Variants in SP140L observed in about 807,000 individuals in gnomAD.
The protein encoded by SP140L is SP140 like nuclear body protein, also known as nuclear body protein SP140-like protein.
In SP140L, 64 loss-of-function variants were observed where a neutral mutation model predicts 84.3. The ratio of observed to expected loss-of-function variants is 0.76; its 90% CI spans 0.62 to 0.94. SP140L has a LOEUF of 0.94. Among genes scored for constraint, SP140L ranks in the 40% least tolerant of loss-of-function variants. SP140L has a pLI of 0.00. For missense variants in SP140L, 628 were observed against 692.5 expected (o/e 0.91, Z 1.05); for synonymous variants, 242 against 236.9 (o/e 1.02, Z -0.20).
chr2:230,374,626 A>G (rs1242442211), intron 7 of SP140L, among the ~76,000 whole-genome samples: 1 of 152,196 alleles, frequency 6.6e-6, no homozygotes, highest in Admixed American at 6.5e-5. Flanking sequence ...TTACTGTCTT[A>G]TTTTAAGAAA....
At chr2:230,330,977 A>G (rs2059710398) in intron 2 of SP140L, among the ~76,000 whole-genome samples, 1 of 152,174 alleles carries the variant, frequency 6.6e-6, no homozygotes, top group Non-Finnish European at 1.5e-5. Flanking sequence ...CATCCTGGTA[A>G]TCAGATCGGC....
rs2061693626 is a variant in SP140L at position 230,388,896 on chromosome 2, G to A, written c.859+263G>A. 4 of 329,084 alleles carry A rather than the reference G, an allele frequency of 1.2e-5. No homozygotes were observed. The Admixed American group carries it at 1.4e-4, about 11-fold the overall frequency. The allele number at this position is 329,084 out of a possible 1,614,324, so 20.4% of individuals were successfully genotyped here. A position where few individuals can be genotyped will look rare whatever the true frequency, so the allele number is the denominator to read the frequency against. On this transcript the variant is annotated intron_variant, in intron 10 of 18. Coordinates refer to ENST00000415673, the MANE Select transcript of SP140L (RefSeq NM_138402.6). The stretch of plus-strand genomic sequence containing the variant: ...CACTGAAATGATAAATTTCAAGGCT[G>A]AAGATAGGCCATTGCTGTATAAAGG...
intron 7 of SP140L, among the ~76,000 whole-genome samples, chr2:230,378,462 T>C (rs1227520947): frequency 6.6e-6 from 1 of 152,084 alleles, no homozygotes; most frequent in Non-Finnish European, 1.5e-5. Context: ...TTGCGAGAAG[T>C]TTTCTCCGGA....
In SP140L at chr2:230,353,324, C is replaced by T. The variant is rs572587701; in HGVS notation, c.108-4481C>T. 2.0e-3 allele frequency among the ~76,000 whole-genome samples: 302 copies of T among 152,022 alleles called. 1 individual carries two copies. Among genetic ancestry groups the T allele is most frequent in the African/African-American group, 6.9e-3 (285 of 41,520 alleles). The stretch of plus-strand genomic sequence containing the variant: ...GATTGTAACTTTTTGAGACTTCTTT[C>T]GTGGCCAAGATTATGCTAAATATTG... On this transcript the variant is annotated intron_variant, in intron 2 of 18. Coordinates refer to ENST00000415673, the MANE Select transcript of SP140L (RefSeq NM_138402.6).
chr2:230,371,420 G>A (rs899548826), intron 6 of SP140L, among the ~76,000 whole-genome samples, 178 bp from the exon 7 acceptor site: 17 of 152,142 alleles, frequency 1.1e-4, no homozygotes, highest in African/African-American at 4.1e-4. Context: ...AAGACCCAGG[G>A]CCCATCCTAG....
At chr2:230,369,682 C>T (rs2060992606) in intron 5 of SP140L, among the ~76,000 whole-genome samples, 1 of 152,164 alleles carries the variant, frequency 6.6e-6, no homozygotes, top group African/African-American at 2.4e-5. Flanking sequence ...GATGGGCTAG[C>T]TCTCAGAAAT....
rs200723985 is a variant in SP140L at position 230,370,891 on chromosome 2, T to C, written c.524-17T>C. Reference sequence around the variant, plus strand: ...CATGTGAAAATGAGAAGTGTTCCTATGTCATGTGTTTCTCAGGAGAAGTGC... The same window carrying C: ...CATGTGAAAATGAGAAGTGTTCCTACGTCATGTGTTTCTCAGGAGAAGTGC... On this transcript the variant is annotated splice_polypyrimidine_tract_variant and intron_variant, in intron 5 of 18. Coordinates refer to ENST00000415673, the MANE Select transcript of SP140L (RefSeq NM_138402.6). 1 of 1,612,402 alleles carries C rather than the reference T, an allele frequency of 6.2e-7. No individual in the cohort carries two copies. The highest frequency in any genetic ancestry group is 8.5e-7 in the Non-Finnish European group (1 of 1,178,916).
intron 11 of SP140L, among the ~76,000 whole-genome samples, chr2:230,390,704 CT>C (rs771539762): frequency 6.6e-6 from 1 of 152,132 alleles, no homozygotes; most frequent in Non-Finnish European, 1.5e-5. Context: ...TTCATTGTGA[CT>C]TTTTTTAACA....
At chr2:230,354,286 A>G (rs142456967) in intron 2 of SP140L, among the ~76,000 whole-genome samples, 29 of 152,362 alleles carry the variant, frequency 1.9e-4, no homozygotes, top group Non-Finnish European at 3.5e-4. Context: ...AAGAAGGAAA[A>G]TCATATGAAT....
intron 2 of SP140L, among the ~76,000 whole-genome samples, 171 bp from the exon 3 acceptor site, chr2:230,357,634 T>C (rs1415188996): frequency 2.0e-5 from 3 of 152,254 alleles, no homozygotes; most frequent in African/African-American, 7.2e-5. Flanking sequence ...ATATCTTCTA[T>C]TACATTTTTG....
chr2:230,357,908 A>G lies in SP140L; in HGVS notation c.211A>G (p.Thr71Ala), dbSNP rs748037986. Reference sequence around the variant, plus strand: ...GGAGATATCAAATGCAATAAAAAAGACATTTCCATTCCTTGAGGGCCTCCG... The same window carrying G: ...GGAGATATCAAATGCAATAAAAAAGGCATTTCCATTCCTTGAGGGCCTCCG... ...KLEISNAIKK[T>A]FPFLEGLRDR... Residue 71 changes from threonine (T) to alanine (A), a missense_variant, in exon 3 of 19, where the codon ACA becomes GCA. Around this residue, in one of 4 missense-constraint regions of SP140L, gnomAD observed 525 missense variants for 518.4 expected, o/e 1.01. Transcript: ENST00000415673. 1 of 1,614,116 alleles carries G rather than the reference A, an allele frequency of 6.2e-7. No individual in the cohort carries two copies. The highest frequency in any genetic ancestry group is 1.1e-5 in the South Asian group (1 of 91,070).
chr2:230,393,203 G>A (rs913084629), intron 12 of SP140L, among the ~76,000 whole-genome samples: 2 of 152,170 alleles, frequency 1.3e-5, no homozygotes, highest in African/African-American at 2.4e-5. Context: ...CAAGAGAAGG[G>A]AAAATGGTCC....
chr2:230,328,161 G>A (rs529228067), intron 1 of SP140L, among the ~76,000 whole-genome samples: 7 of 152,226 alleles, frequency 4.6e-5, no homozygotes, highest in Admixed American at 3.9e-4. Context: ...GGGTTCAAGC[G>A]ATTTTAATCT....
intron 2 of SP140L, among the ~76,000 whole-genome samples, chr2:230,339,126 T>G (rs1397387524): frequency 6.7e-6 from 1 of 148,748 alleles, no homozygotes; most frequent in Admixed American, 6.7e-5. Context: ...CATCTGGTCC[T>G]GGACTCTTTT....
intron 2 of SP140L, among the ~76,000 whole-genome samples, chr2:230,341,226 C>CTTCATTTCA (rs2060032512): frequency 2.1e-5 from 3 of 144,828 alleles, no homozygotes; most frequent in Non-Finnish European, 4.5e-5. Flanking sequence ...TCCCTTCTTG[C>CTTCATTTCA]TTCATTTCAT....
chr2:230,361,134 C>A (rs1390507126), intron 4 of SP140L, among the ~76,000 whole-genome samples: 1 of 152,054 alleles, frequency 6.6e-6, no homozygotes, highest in Non-Finnish European at 1.5e-5. Flanking sequence ...AAATTTTTTT[C>A]AGACACAAGG....
chr2:230,361,520 G>A, intron 4 of SP140L, 94 bp from the exon 5 acceptor site: 1 of 889,976 alleles, frequency 1.1e-6, no homozygotes, highest in East Asian at 2.6e-5. Context: ...TTCTGAGTCA[G>A]CCTAATGCTG....
intron 4 of SP140L, among the ~76,000 whole-genome samples, chr2:230,360,512 A>G (rs1298593616): frequency 6.6e-6 from 1 of 152,232 alleles, no homozygotes; most frequent in Admixed American, 6.5e-5. Flanking sequence ...AATAAAAGGA[A>G]ATCACATATC....
At chr2:230,360,471 T>A (rs2060680722) in intron 4 of SP140L, among the ~76,000 whole-genome samples, 1 of 152,194 alleles carries the variant, frequency 6.6e-6, no homozygotes, top group South Asian at 2.1e-4. Flanking sequence ...ATAAAATAAT[T>A]TTTGTAACAA....
Sources: gnomAD v4.1 joint callset for allele counts (sites outside exome capture counted in the v4.1 genomes callset) on GRCh38, gnomAD v4.1.1 for gene constraint, gnomAD v4.1.1 regional missense constraint, MANE v1.5 for transcripts, NCBI Gene and HGNC (gene_info 2026-07-23, HGNC 2026-07-21) for gene names.